CCDC102B: variants seen among roughly 807,000 people sequenced by gnomAD.
The protein encoded by CCDC102B is coiled-coil domain-containing protein 102B.
Under a neutral mutation model 57.4 loss-of-function variants are expected in CCDC102B, and 75 were observed. The ratio of observed to expected loss-of-function variants is 1.31; its 90% confidence interval spans 1.08 to 1.58. CCDC102B has a LOEUF of 1.58. Among genes scored for constraint, CCDC102B ranks in the 40% most tolerant of loss-of-function variants. The pLI is 0.00. For synonymous variants in CCDC102B, 206 were observed against 201.9 expected (o/e 1.02, Z -0.17); for missense variants, 636 against 582.6 (o/e 1.09, Z -0.94).
intron 6 of CCDC102B, among the ~76,000 whole-genome samples, chr18:68,964,594 T>A (rs2050125179): frequency 6.6e-6 from 1 of 151,906 alleles, no homozygotes; most frequent in Non-Finnish European, 1.5e-5. Flanking sequence ...TCTTATTGTC[T>A]GCATGACATT....
At chr18:68,997,713 CT>C (rs1414735571) in intron 6 of CCDC102B, among the ~76,000 whole-genome samples, 2 of 151,904 alleles carry the variant, frequency 1.3e-5, no homozygotes, top group South Asian at 2.1e-4. Flanking sequence ...TCATCCGTGT[CT>C]TTTTAATTTC....
At chr18:68,959,977 T>C (rs2050005127) in intron 6 of CCDC102B, among the ~76,000 whole-genome samples, 1 of 152,042 alleles carries the variant, frequency 6.6e-6, no homozygotes, top group South Asian at 2.1e-4. Context: ...TACTTAGTGC[T>C]CAACCCCACT....
At chr18:68,851,124 TTAAA>T (rs1435819288) in intron 4 of CCDC102B, among the ~76,000 whole-genome samples, 1 of 152,200 alleles carries the variant, frequency 6.6e-6, no homozygotes, top group African/African-American at 2.4e-5. Flanking sequence ...GTGATTAATA[TTAAA>T]TGAATGAAGC....
intron 6 of CCDC102B, among the ~76,000 whole-genome samples, chr18:69,005,132 T>C (rs1216745524): frequency 1.3e-5 from 2 of 152,188 alleles, no homozygotes; most frequent in African/African-American, 4.8e-5. Flanking sequence ...AGTGGTATTG[T>C]GACTTCTTTA....
intron 7 of CCDC102B, among the ~76,000 whole-genome samples, chr18:69,036,219 A>G (rs1235276672): frequency 3.9e-5 from 6 of 151,918 alleles, no homozygotes; most frequent in East Asian, 3.9e-4. Flanking sequence ...ATTTTTCATG[A>G]TAGAAATTAC....
chr18:68,867,913 C>T (rs1177308783), intron 4 of CCDC102B, among the ~76,000 whole-genome samples: 1 of 151,354 alleles, frequency 6.6e-6, no homozygotes, highest in African/African-American at 2.4e-5. Context: ...CATCCTGGGG[C>T]GAAAGAGTAA....
chr18:68,808,046 A>G (rs1262149805), intron 1 of CCDC102B, among the ~76,000 whole-genome samples: 2 of 152,152 alleles, frequency 1.3e-5, no homozygotes, highest in African/African-American at 4.8e-5. Flanking sequence ...TTCCTTCTCA[A>G]GATTACAAAC....
At chr18:69,053,817 T>G (rs1474835481) in intron 7 of CCDC102B, among the ~76,000 whole-genome samples, 2 of 151,960 alleles carry the variant, frequency 1.3e-5, no homozygotes, top group African/African-American at 4.8e-5. Context: ...ATATACAACA[T>G]GATGTTTTTC....
At chr18:68,847,178 G>A (rs2037906243) in intron 4 of CCDC102B, among the ~76,000 whole-genome samples, 1 of 148,576 alleles carries the variant, frequency 6.7e-6, no homozygotes. Context: ...ATAAGTATAA[G>A]GTATGCACAT....
intron 1 of CCDC102B, among the ~76,000 whole-genome samples, chr18:68,822,785 T>C (rs1053642690): frequency 6.6e-6 from 1 of 152,196 alleles, no homozygotes; most frequent in Non-Finnish European, 1.5e-5. Flanking sequence ...GCTCCATCCA[T>C]GTTGTTGCAA....
chr18:69,013,314 A>G lies in CCDC102B; in HGVS notation c.1434+2210A>G, dbSNP rs553141402. 7.3e-4 allele frequency among the ~76,000 whole-genome samples: 111 copies of G among 152,172 alleles called. 3 individuals are homozygous for G. In the South Asian group the frequency reaches 0.023, roughly 31 times the overall value. ...AATACCACATATTCTCACTTACAAG[A>G]TGGAGATAAATAATGTGTACACATG... On this transcript the variant is annotated intron_variant, in intron 7 of 7. Transcript: ENST00000360242.
intron 6 of CCDC102B, among the ~76,000 whole-genome samples, chr18:68,947,237 T>C (rs4625817): frequency 0.29 from 44,525 of 151,728 alleles, 7,686 homozygotes; most frequent in African/African-American, 0.46. Context: ...ACAACTGTTT[T>C]GTTTAATTCA....
chr18:69,033,775 A>AT, intron 7 of CCDC102B, among the ~76,000 whole-genome samples: 1 of 151,780 alleles, frequency 6.6e-6, no homozygotes, highest in East Asian at 1.9e-4. Flanking sequence ...CTGTCAAACT[A>AT]TTTTTCAAAA....
At chr18:68,806,046 T>G (rs1487281050) in intron 1 of CCDC102B, among the ~76,000 whole-genome samples, 4 of 150,328 alleles carry the variant, frequency 2.7e-5, no homozygotes, top group African/African-American at 1.0e-4. Context: ...TACAGCAGAT[T>G]ACAAGCCCAT....
Position 68,911,486 on chromosome 18 carries a change from C to T in CCDC102B, c.1263+14058C>T, listed in dbSNP as rs9965104. Among the ~76,000 whole-genome samples the T allele has an allele frequency of 9.5e-3, 1,433 of 150,808 alleles. 29 individuals are homozygous for T. The highest frequency in any genetic ancestry group is 0.03 in the African/African-American group (1,202 of 40,646). ...GATCAGAAAAGGCCGGGCGCGGTGG[C>T]TCACGCCTGTAATCCCAGCACTTTG... On this transcript the variant is annotated intron_variant, in intron 6 of 7. Transcript: ENST00000360242.
At chr18:68,963,803 ATATGTATGTATG>A (rs527362804) in intron 6 of CCDC102B, among the ~76,000 whole-genome samples, 1 of 151,598 alleles carries the variant, frequency 6.6e-6, no homozygotes, top group Non-Finnish European at 1.5e-5. Flanking sequence ...ATATGTGTAT[ATATGTATGTATG>A]TATGTATGTA....
chr18:69,048,224 T>G (rs113252899), intron 7 of CCDC102B, among the ~76,000 whole-genome samples: 1,908 of 150,814 alleles, frequency 0.013, 38 homozygotes, highest in African/African-American at 0.038. Context: ...GTGTGTGTGT[T>G]TTTTTTTTCC....
chr18:68,846,781 A>G (rs1225418466), intron 4 of CCDC102B, among the ~76,000 whole-genome samples: 1 of 151,830 alleles, frequency 6.6e-6, no homozygotes, highest in African/African-American at 2.4e-5. Context: ...TAGGCACATT[A>G]GAGGGGATGG....
At chr18:69,022,026 A>G (rs79846622) in intron 7 of CCDC102B, among the ~76,000 whole-genome samples, 4,477 of 152,166 alleles carry the variant, frequency 0.029, 144 homozygotes, top group East Asian at 0.15. Flanking sequence ...AGCGAGGCTT[A>G]TTCTCAGCTA....
Sources: allele counts gnomAD v4.1 joint callset (sites outside exome capture counted in the v4.1 genomes callset), GRCh38; gene constraint gnomAD v4.1.1; transcripts MANE v1.5; gene names NCBI Gene and HGNC (gene_info 2026-07-23, HGNC 2026-07-21).